SYNE2: variants seen among roughly 807,000 people sequenced by gnomAD.
SYNE2 encodes spectrin repeat containing nuclear envelope protein 2.
In SYNE2, 431 loss-of-function variants were observed where a neutral mutation model predicts 856.3. That is an observed-to-expected ratio of 0.50 (90% CI 0.47 to 0.55). The LOEUF (loss-of-function observed/expected upper bound fraction) is 0.55, where lower values mean the gene tolerates loss of function less well. Ranked by LOEUF, SYNE2 falls within the 20% of genes least tolerant of loss-of-function variation. SYNE2 has a pLI of 0.00. For synonymous variants in SYNE2, 2,923 were observed against 2,872.3 expected, an observed-to-expected ratio of 1.02 and a Z score of -0.56; for missense variants, 8,129 against 8,023.2, an observed-to-expected ratio of 1.01 and a Z score of -0.50.
At chr14:64,199,794 G>A (rs1220693276) in intron 99 of SYNE2, among the ~76,000 whole-genome samples, 2 of 151,762 alleles carry the variant, frequency 1.3e-5, no homozygotes, top group Non-Finnish European at 2.9e-5. Flanking sequence ...CATCAGCGTG[G>A]GATATAGATG....
intron 3 of SYNE2, among the ~76,000 whole-genome samples, chr14:63,941,329 G>A (rs1023116075): frequency 5.9e-5 from 9 of 152,288 alleles, no homozygotes; most frequent in South Asian, 4.1e-4. Context: ...CACGATGCTT[G>A]TAATTCTAAG....
At position 64,021,439 on chromosome 14, in the gene SYNE2, C is replaced by G. The variant is rs762871282; in HGVS notation, c.5276C>G (p.Thr1759Ser). Residue 1759 changes from threonine (T) to serine (S), a missense_variant, in exon 36 of 116, where the codon ACC becomes AGC. Around this residue, in one of 3 missense-constraint regions of SYNE2, gnomAD observed 2,422 missense variants for 2,357.4 expected, o/e 1.03. Coordinates refer to ENST00000555002, the MANE Select transcript of SYNE2 (RefSeq NM_182914.3). ...AGGGAGGATCTCGACCAAGCCAAGA[C>G]CCAGATCGGGATGACTGAATCCCTC... Reference protein sequence around the residue: ...ELREDLDQAKTQIGMTESLLK... With the variant: ...ELREDLDQAKSQIGMTESLLK... The G allele has an allele frequency of 3.1e-6, 5 of 1,614,156 alleles. No homozygotes were observed. Among genetic ancestry groups the G allele is most frequent in the Middle Eastern group, 1.7e-4 (1 of 6,060 alleles).
At chr14:64,084,773 G>A in intron 57 of SYNE2, 1 of 547,158 alleles carries the variant, frequency 1.8e-6, no homozygotes. Context: ...AGTTTCTGTG[G>A]GTCAGGAGTC....
At chr14:63,924,084 G>T (rs1212748097) in intron 2 of SYNE2, among the ~76,000 whole-genome samples, 1 of 152,098 alleles carries the variant, frequency 6.6e-6, no homozygotes, top group African/African-American at 2.4e-5. Context: ...GGGATTACAG[G>T]CATCAGCCAC....
Position 63,902,214 on chromosome 14 carries a change from C to T in SYNE2, c.-51-6884C>T, listed in dbSNP as rs192234242. On this transcript the variant is annotated intron_variant, in intron 1 of 115. Transcript: ENST00000555002. ...TTATCTGAGGTCAGGAGTTCAAGAC[C>T]AGCCTGGCCAACATGGCAAAACTCC... Among the ~76,000 whole-genome samples, 26 of 151,824 alleles carry T rather than the reference C, an allele frequency of 1.7e-4. No homozygotes were observed. In the East Asian group the frequency reaches 4.8e-3, roughly 28 times the overall value.
intron 1 of SYNE2, among the ~76,000 whole-genome samples, chr14:63,807,610 A>G (rs1888411113): frequency 6.6e-6 from 1 of 150,568 alleles, no homozygotes. Context: ...GCGCAATGAC[A>G]AAGTTTTCTT....
intron 1 of SYNE2, among the ~76,000 whole-genome samples, chr14:63,888,346 G>A (rs1369757813): frequency 3.3e-5 from 5 of 152,066 alleles, no homozygotes; most frequent in African/African-American, 1.2e-4. Context: ...TCCTTCACTG[G>A]CTAGCCAGCC....
At chr14:64,190,322 G>A (rs2098512264) in intron 99 of SYNE2, 85 bp downstream of exon 99, 1 of 1,556,622 alleles carries the variant, frequency 6.4e-7, no homozygotes. Flanking sequence ...CTTCCTCTAA[G>A]ATGATCCAGC....
At chr14:64,151,722 G>A (rs1364184626) in intron 84 of SYNE2, among the ~76,000 whole-genome samples, 2 of 152,214 alleles carry the variant, frequency 1.3e-5, no homozygotes, top group African/African-American at 2.4e-5. Context: ...TCCCAAATTT[G>A]TGAATTGGGA....
chr14:63,893,654 C>T (rs1329714962), intron 1 of SYNE2, among the ~76,000 whole-genome samples: 2 of 152,180 alleles, frequency 1.3e-5, no homozygotes, highest in Non-Finnish European at 2.9e-5. Flanking sequence ...TATGTAGCAA[C>T]TATATGGCAT....
At chr14:64,173,158 G>T (rs1264015865) in intron 94 of SYNE2, among the ~76,000 whole-genome samples, 1 of 152,210 alleles carries the variant, frequency 6.6e-6, no homozygotes, top group African/African-American at 2.4e-5. Flanking sequence ...AGGGTAGAGA[G>T]ACCCTGAGAC....
At position 64,167,226 on chromosome 14, in the gene SYNE2, A is replaced by T. The variant is rs778409368; in HGVS notation, c.16606-7A>T. On this transcript the variant is annotated splice_polypyrimidine_tract_variant and splice_region_variant and intron_variant, in intron 90 of 115. Coordinates refer to ENST00000555002, the MANE Select transcript of SYNE2 (RefSeq NM_182914.3). ...CAAAAACCTGTACTTCAATTTTTTA[A>T]AAATAGAATCATGTGCTGGCACTGA... The T allele has an allele frequency of 6.2e-7, 1 of 1,614,088 alleles. No homozygotes were observed. Among genetic ancestry groups the T allele is most frequent in the African/African-American group, 1.3e-5 (1 of 75,038 alleles).
intron 53 of SYNE2, chr14:64,075,719 G>A: frequency 2.0e-6 from 1 of 500,564 alleles, no homozygotes; most frequent in South Asian, 2.1e-5. Flanking sequence ...AGATAATGGT[G>A]TGACACTATG....
In SYNE2 at chr14:63,822,231, C is replaced by CA. The variant is rs796238458; in HGVS notation, c.-304-30259dup. Among the ~76,000 whole-genome samples the CA allele has an allele frequency of 2.9e-3, 431 of 147,604 alleles. 3 individuals are homozygous for CA. The highest frequency in any genetic ancestry group is 0.011 in the Middle Eastern group (3 of 282). The stretch of plus-strand genomic sequence containing the variant: ...AAAAACAAAAAAAGCAAAAAACAAA[C>CA]AAAAAAAAAAACCCTGCTGAATATC... On this transcript the variant is annotated intron_variant, in intron 1 of 23. Transcript: ENST00000674003.
At chr14:64,171,166 G>T (rs535034078) in intron 94 of SYNE2, among the ~76,000 whole-genome samples, 1 of 152,278 alleles carries the variant, frequency 6.6e-6, no homozygotes, top group South Asian at 2.1e-4. Flanking sequence ...TGCCTGATGA[G>T]CACAGGATTA....
At position 64,122,628 on chromosome 14, in the gene SYNE2, C is replaced by G. The variant is rs566483071; in HGVS notation, c.13422+201C>G. 39 of 665,996 alleles carry G rather than the reference C, an allele frequency of 5.9e-5. No homozygotes were observed. In the African/African-American group the frequency reaches 6.9e-4, roughly 12 times the overall value. 41.3% of individuals were successfully genotyped at this position (665,996 alleles called of 1,614,324 possible). On this transcript the variant is annotated intron_variant, in intron 70 of 115. Coordinates refer to ENST00000555002, the MANE Select transcript of SYNE2 (RefSeq NM_182914.3). ...CTGTAGCACCCAGGGCTTCCCTCAT[C>G]AGAGCTGTTATTTATAACAACTATC...
At chr14:64,057,513 C>G (rs557176975) in intron 49 of SYNE2, among the ~76,000 whole-genome samples, 1 of 152,164 alleles carries the variant, frequency 6.6e-6, no homozygotes, top group East Asian at 1.9e-4. Flanking sequence ...TTTTCTTCAT[C>G]CACTCATCTG....
chr14:64,131,556 T>A (rs2098021105), intron 76 of SYNE2, among the ~76,000 whole-genome samples: 1 of 152,180 alleles, frequency 6.6e-6, no homozygotes, highest in Non-Finnish European at 1.5e-5. Flanking sequence ...CAGTGACATC[T>A]GTTTTTTGTT....
intron 2 of SYNE2, among the ~76,000 whole-genome samples, chr14:63,915,084 A>C (rs937036836): frequency 2.1e-4 from 32 of 152,284 alleles, no homozygotes; most frequent in African/African-American, 7.7e-4. Flanking sequence ...TGGCCTATTT[A>C]GTGTGTTTTT....
Sources: allele counts gnomAD v4.1 joint callset (sites outside exome capture counted in the v4.1 genomes callset), GRCh38; gene constraint gnomAD v4.1.1; regional missense constraint gnomAD v4.1.1; transcripts MANE v1.5; gene names NCBI Gene and HGNC (gene_info 2026-07-23, HGNC 2026-07-21).